The following CNOT2 variants were observed in gnomAD, a reference collection of about 807,000 sequenced individuals.
CNOT2 encodes the protein CC chemokine receptor 4-negative regulator of transcription 2.
In CNOT2, 7 loss-of-function variants were observed where a neutral mutation model predicts 72.1. The observed-to-expected ratio is 0.10, with a 90% CI of 0.06 to 0.18. The LOEUF (loss-of-function observed/expected upper bound fraction) is 0.18, where lower values mean the gene tolerates loss of function less well. Ranked by LOEUF, CNOT2 falls within the 10% of genes least tolerant of loss-of-function variation. The pLI is 1.00. For missense variants in CNOT2, 345 were observed against 660.3 expected (o/e 0.52, Z 5.23); for synonymous variants, 196 against 225.6 (o/e 0.87, Z 1.17).
chr12:70,290,646 C>T (rs1455717010), intron 2 of CNOT2: 1 of 67,892 alleles, frequency 1.5e-5, no homozygotes. Flanking sequence ...AATACTACCA[C>T]ACTACTCTCT....
At chr12:70,244,760 C>T (rs1051098451) in intron 1 of CNOT2, among the ~76,000 whole-genome samples, 1 of 152,168 alleles carries the variant, frequency 6.6e-6, no homozygotes, top group African/African-American at 2.4e-5. Context: ...ACCCTTAGTT[C>T]TTGGCGAAAT....
chr12:70,281,641 G>T (rs985871474), intron 2 of CNOT2, among the ~76,000 whole-genome samples: 4 of 152,138 alleles, frequency 2.6e-5, no homozygotes, highest in African/African-American at 9.7e-5. Context: ...TTAAGTATCA[G>T]TTTTTCCAGA....
chr12:70,289,501 T>A (rs868175451), intron 2 of CNOT2, among the ~76,000 whole-genome samples: 1 of 152,132 alleles, frequency 6.6e-6, no homozygotes, highest in African/African-American at 2.4e-5. Context: ...AATTTAGGAA[T>A]TTTTTTCATC....
chr12:70,273,392 A>G (rs934847674), intron 1 of CNOT2, among the ~76,000 whole-genome samples: 1 of 152,094 alleles, frequency 6.6e-6, no homozygotes, highest in Non-Finnish European at 1.5e-5. Flanking sequence ...AACTTTCAAG[A>G]TATCTACCAT....
At chr12:70,309,671 A>C (rs868403796) in intron 2 of CNOT2, among the ~76,000 whole-genome samples, 2 of 152,130 alleles carry the variant, frequency 1.3e-5, no homozygotes, top group Middle Eastern at 3.2e-3. Flanking sequence ...AGTTTTCCCC[A>C]AAAATGTACT....
intron 2 of CNOT2, among the ~76,000 whole-genome samples, chr12:70,285,741 G>A (rs1870776867): frequency 6.6e-6 from 1 of 152,028 alleles, no homozygotes; most frequent in Non-Finnish European, 1.5e-5. Context: ...CTAAGAAAAA[G>A]ACCTACAGTT....
chr12:70,249,488 C>G (rs1436719213), intron 1 of CNOT2, among the ~76,000 whole-genome samples: 3 of 151,854 alleles, frequency 2.0e-5, no homozygotes, highest in African/African-American at 7.3e-5. Flanking sequence ...AGGCCGTTTT[C>G]ATCTTCAGAC....
chr12:70,317,326 A>G (rs1227637377), intron 3 of CNOT2, among the ~76,000 whole-genome samples: 2 of 152,116 alleles, frequency 1.3e-5, no homozygotes, highest in African/African-American at 2.4e-5. Flanking sequence ...ACATAGGTAT[A>G]CATGTGCCAT....
Position 70,310,998 on chromosome 12 carries a change from C to T in CNOT2, c.152C>T (p.Pro51Leu), listed in dbSNP as rs1215721709. The T allele has an allele frequency of 6.3e-7, 1 of 1,599,298 alleles. No individual in the cohort carries two copies. The highest frequency in any genetic ancestry group is 8.6e-7 in the Non-Finnish European group (1 of 1,167,334). The change falls in exon 3 of 16, where the codon CCA becomes CTA. Residue 51 changes from proline to leucine, a missense_variant. Transcript: ENST00000229195. ...NMYYSQSSMF[P>L]HRSEKDMLAS... ...TACTACAGCCAGTCTTCTATGTTTC[C>T]ACATCGGTCAGAAAAAGATGTAAGT...
At chr12:70,351,172 ATAT>A (rs1453374110) in intron 15 of CNOT2, among the ~76,000 whole-genome samples, 1 of 152,162 alleles carries the variant, frequency 6.6e-6, no homozygotes, top group African/African-American at 2.4e-5. Context: ...TCATTTGATA[ATAT>A]TAGAAAAATT....
At chr12:70,323,910 A>G (rs1280250391) in intron 4 of CNOT2, 6 of 150,954 alleles carry the variant, frequency 4.0e-5, no homozygotes, top group Admixed American at 6.6e-5. Flanking sequence ...TGACACACGC[A>G]CACACACACA....
intron 2 of CNOT2, among the ~76,000 whole-genome samples, chr12:70,286,140 G>A (rs1020465208): frequency 1.4e-5 from 2 of 140,560 alleles, no homozygotes; most frequent in South Asian, 4.9e-4. Flanking sequence ...AATAACAGAA[G>A]AGAGAACTTT....
At chr12:70,318,800 G>A (rs185916292) in intron 3 of CNOT2, among the ~76,000 whole-genome samples, 7 of 151,792 alleles carry the variant, frequency 4.6e-5, no homozygotes, top group Admixed American at 4.6e-4. Flanking sequence ...CATTTACTCA[G>A]CTTCAGTATT....
Position 70,346,072 on chromosome 12 carries a change from A to G in CNOT2, c.1392-108A>G, listed in dbSNP as rs1882129322. ...GAGTAGGAAGCATTCATATTTATTT[A>G]TTTTATGTGTAATTTTTTTTTTCCG... On this transcript the variant is annotated intron_variant, in intron 14 of 15. Coordinates refer to ENST00000229195, the MANE Select transcript of CNOT2 (RefSeq NM_014515.7). 3 of 668,572 alleles carry G rather than the reference A, an allele frequency of 4.5e-6. No individual in the cohort carries two copies. The Admixed American group carries it at 8.7e-5, about 19-fold the overall frequency. The allele number at this position is 668,572 out of a possible 1,614,324, so 41.4% of individuals were successfully genotyped here.
At chr12:70,296,341 A>G (rs1872786069) in intron 2 of CNOT2, among the ~76,000 whole-genome samples, 1 of 152,150 alleles carries the variant, frequency 6.6e-6, no homozygotes, top group Non-Finnish European at 1.5e-5. Context: ...ACTAAAGCCT[A>G]TTTCCAACCA....
chr12:70,332,861 G>C lies in CNOT2; in HGVS notation c.649+15G>C, dbSNP rs1565821742. The stretch of plus-strand genomic sequence containing the variant: ...TAATGGAACAGGTAAGCTTATTCTG[G>C]AGCTAGTACCCTACAAAAAGTATGA... On this transcript the variant is annotated intron_variant, in intron 7 of 15. Coordinates refer to ENST00000229195, the MANE Select transcript of CNOT2 (RefSeq NM_014515.7). 6.3e-7 allele frequency: 1 copy of C among 1,578,702 alleles called. No individual in the cohort carries two copies. The highest frequency in any genetic ancestry group is 1.2e-5 in the South Asian group (1 of 84,600).
chr12:70,315,303 T>C (rs532072305), intron 3 of CNOT2, among the ~76,000 whole-genome samples: 5 of 152,262 alleles, frequency 3.3e-5, no homozygotes, highest in East Asian at 1.9e-4. Flanking sequence ...GGAACTCTTA[T>C]GTGTGTGCAT....
At chr12:70,293,913 G>GTTTT (rs1295897027) in intron 2 of CNOT2, among the ~76,000 whole-genome samples, 1 of 86,214 alleles carries the variant, frequency 1.2e-5, no homozygotes, top group African/African-American at 3.9e-5. Context: ...GGTGAGCACT[G>GTTTT]CTTTTTTTTT....
intron 4 of CNOT2, 69 bp from the exon 5 acceptor site, chr12:70,329,354 C>A: frequency 7.5e-7 from 1 of 1,328,098 alleles, no homozygotes; most frequent in Non-Finnish European, 1.1e-6. Context: ...AAATCGCCAA[C>A]TCCAGAAGAT....
Sources: gnomAD v4.1 joint callset for allele counts (sites outside exome capture counted in the v4.1 genomes callset) on GRCh38, gnomAD v4.1.1 for gene constraint, MANE v1.5 for transcripts, NCBI Gene and HGNC (gene_info 2026-07-23, HGNC 2026-07-21) for gene names.